TTLL9: variants seen among roughly 807,000 people sequenced by gnomAD.
TTLL9 encodes tubulin tyrosine ligase like 9, also known as probable tubulin polyglutamylase TTLL9.
TTLL9 carries 47 observed loss-of-function variants against 65.6 expected under a neutral mutation model. That is an observed-to-expected ratio of 0.72 (90% CI 0.57 to 0.91). The LOEUF (loss-of-function observed/expected upper bound fraction) is 0.91. Ranked by LOEUF, TTLL9 falls within the 40% of genes least tolerant of loss-of-function variation. TTLL9 has a pLI of 0.00. For synonymous variants in TTLL9, 179 were observed against 204.8 expected (o/e 0.87, Z 1.07); for missense variants, 537 against 568.8 (o/e 0.94, Z 0.57).
At chr20:31,920,881 GT>G (rs2063806547) in intron 7 of TTLL9, among the ~76,000 whole-genome samples, 1 of 152,232 alleles carries the variant, frequency 6.6e-6, no homozygotes, top group Admixed American at 6.5e-5. Flanking sequence ...CATCAAGTGT[GT>G]GACCCTTGTC....
Position 31,944,099 on chromosome 20 carries a change from A to C in TTLL9, c.*1078A>C, listed in dbSNP as rs1485792667. The C allele has an allele frequency of 1.2e-5, 4 of 328,742 alleles. No homozygotes were observed. The highest frequency in any genetic ancestry group is 2.4e-5 in the Non-Finnish European group (4 of 165,014). The allele number at this position is 328,742 out of a possible 1,614,324, so 20.4% of individuals were successfully genotyped here. A position where few individuals can be genotyped will look rare whatever the true frequency, so the allele number is the denominator to read the frequency against. On this transcript the variant is annotated 3_prime_UTR_variant, in exon 15 of 15. Transcript: ENST00000535842. ...AGAAGTGAACCAGCCGACTTTAGGA[A>C]AGCCAGAAGCCAGGCTACTCTAGAC...
chr20:31,942,764 AG>A (rs1330076207), intron 14 of TTLL9, among the ~76,000 whole-genome samples, 180 bp from the exon 15 acceptor site: 1 of 152,194 alleles, frequency 6.6e-6, no homozygotes, highest in South Asian at 2.1e-4. Flanking sequence ...GATGCTGAAA[AG>A]GGTAACTGAC....
At chr20:31,914,387 G>T (rs899299986) in intron 6 of TTLL9, among the ~76,000 whole-genome samples, 2 of 152,094 alleles carry the variant, frequency 1.3e-5, no homozygotes, top group Non-Finnish European at 2.9e-5. Context: ...CATAATTGGC[G>T]TACAACAAGC....
At chr20:31,884,073 T>C in intron 2 of TTLL9, 5 of 555,392 alleles carry the variant, frequency 9.0e-6, no homozygotes, top group Non-Finnish European at 1.6e-5. Context: ...CTACCAGAAC[T>C]AATCATTCAG....
At position 31,937,597 on chromosome 20, in the gene TTLL9, C is replaced by CT; in HGVS notation, c.1118+88_1118+89insT. The CT allele has an allele frequency of 3.9e-6, 4 of 1,016,970 alleles. No individual in the cohort carries two copies. In the Admixed American group the frequency reaches 9.5e-5, roughly 24 times the overall value. The allele number at this position is 1,016,970 out of a possible 1,614,324, so 63.0% of individuals were successfully genotyped here. ...AGAGGGGGAGCTTAGAACCTTGGGG[C>CT]CTGAGTGGCCCTCAGCGATGGCTCT... On this transcript the variant is annotated intron_variant, in intron 13 of 14. Transcript: ENST00000535842.
At chr20:31,879,844 G>A (rs2063085515) in intron 2 of TTLL9, 2 of 1,550,028 alleles carry the variant, frequency 1.3e-6, no homozygotes, top group East Asian at 4.9e-5. Flanking sequence ...CGCGAGGCGC[G>A]CGGTGGCGGT....
At chr20:31,873,613 G>A (rs528017272) in intron 2 of TTLL9, among the ~76,000 whole-genome samples, 1 of 150,006 alleles carries the variant, frequency 6.7e-6, no homozygotes, top group South Asian at 2.1e-4. Context: ...TCACATCACT[G>A]TACTTCAGCT....
At chr20:31,907,069 G>A (rs868674125) in intron 4 of TTLL9, among the ~76,000 whole-genome samples, 8 of 152,280 alleles carry the variant, frequency 5.3e-5, no homozygotes, top group African/African-American at 1.9e-4. Context: ...CAGAACAAAA[G>A]TTTGGTGGGA....
chr20:31,921,332 G>A (rs2123560664), intron 7 of TTLL9, among the ~76,000 whole-genome samples: 1 of 152,332 alleles, frequency 6.6e-6, no homozygotes, highest in East Asian at 1.9e-4. Flanking sequence ...AACAGGTGCT[G>A]GAGAGGATGT....
intron 14 of TTLL9, chr20:31,939,490 T>C (rs764001215): frequency 2.5e-6 from 1 of 397,242 alleles, no homozygotes; most frequent in Non-Finnish European, 4.5e-6. Flanking sequence ...TTCACACTCA[T>C]TGTAGAATAT....
chr20:31,943,264 GACAA>G lies in TTLL9; in HGVS notation c.*246_*249del. ...CTGGGACTGGGGGAGGTTTAACCTT[GACAA>G]ACTGACTTGGCAGTTAGGCCCAAAG... On this transcript the variant is annotated 3_prime_UTR_variant, in exon 15 of 15. Coordinates refer to ENST00000535842, the MANE Select transcript of TTLL9 (RefSeq NM_001008409.5). The G allele has an allele frequency of 1.8e-6, 1 of 569,160 alleles. No homozygotes were observed. The highest frequency in any genetic ancestry group is 3.2e-6 in the Non-Finnish European group (1 of 316,904). 35.3% of individuals were successfully genotyped at this position (569,160 alleles called of 1,614,324 possible).
chr20:31,903,627 G>T (rs1000393663), intron 4 of TTLL9, among the ~76,000 whole-genome samples: 2 of 152,034 alleles, frequency 1.3e-5, no homozygotes, highest in African/African-American at 4.8e-5. Context: ...CTAGATCTTC[G>T]ATTTAATTTT....
intron 8 of TTLL9, among the ~76,000 whole-genome samples, chr20:31,923,491 G>A (rs1419511722): frequency 6.6e-6 from 1 of 152,204 alleles, no homozygotes; most frequent in African/African-American, 2.4e-5. Flanking sequence ...AGGGCAATGG[G>A]ACAGAGAGTG....
chr20:31,881,780 GA>G (rs776596166), intron 2 of TTLL9, among the ~76,000 whole-genome samples: 2 of 152,034 alleles, frequency 1.3e-5, no homozygotes, highest in Non-Finnish European at 2.9e-5. Flanking sequence ...AACATCTACT[GA>G]AATAGTCCCT....
intron 2 of TTLL9, among the ~76,000 whole-genome samples, chr20:31,885,336 G>A (rs549040971): frequency 8.8e-4 from 134 of 151,802 alleles, no homozygotes; most frequent in Non-Finnish European, 1.7e-3. Context: ...GTGACATAAG[G>A]ATAGACAAGT....
chr20:31,905,162 C>G (rs2123486806), intron 4 of TTLL9, among the ~76,000 whole-genome samples: 1 of 152,272 alleles, frequency 6.6e-6, no homozygotes, highest in East Asian at 1.9e-4. Context: ...CCTCTGCCTT[C>G]TGCGTTCAAG....
At chr20:31,934,641 A>C (rs778047740) in intron 11 of TTLL9, 51 bp from the exon 12 acceptor site, 51 of 1,517,316 alleles carry the variant, frequency 3.4e-5, no homozygotes, top group South Asian at 8.6e-5. Flanking sequence ...CTAGCAGGCC[A>C]GGTCCTGACT....
intron 3 of TTLL9, among the ~76,000 whole-genome samples, chr20:31,888,849 G>T (rs749373850): frequency 1.3e-5 from 2 of 151,972 alleles, no homozygotes; most frequent in Non-Finnish European, 2.9e-5. Flanking sequence ...CAGATCTCCC[G>T]TGAACTAAGT....
chr20:31,894,950 A>AT (rs2063361423), intron 3 of TTLL9, among the ~76,000 whole-genome samples: 1 of 152,064 alleles, frequency 6.6e-6, no homozygotes, highest in African/African-American at 2.4e-5. Flanking sequence ...AGTGCTGATT[A>AT]TTGTTTAATT....
Sources: gnomAD v4.1 joint callset for allele counts (sites outside exome capture counted in the v4.1 genomes callset) on GRCh38, gnomAD v4.1.1 for gene constraint, MANE v1.5 for transcripts, NCBI Gene and HGNC (gene_info 2026-07-23, HGNC 2026-07-21) for gene names.